PLAT: variants seen among roughly 807,000 people sequenced by gnomAD.
PLAT encodes tissue-type plasminogen activator.
PLAT carries 48 observed loss-of-function variants against 74.9 expected under a neutral mutation model. That is an observed-to-expected ratio of 0.64 (90% CI 0.51 to 0.82). The LOEUF is 0.82. Ranked by LOEUF, PLAT falls within the 40% of genes least tolerant of loss-of-function variation. The probability of loss-of-function intolerance (pLI) is 0.00; values close to 1 mark genes in which losing one functional copy is unlikely to be tolerated. For synonymous variants in PLAT, 307 were observed against 294.4 expected (o/e 1.04, Z -0.44); for missense variants, 673 against 736.2 (o/e 0.91, Z 0.99).
At chr8:42,180,786 T>C (rs920381501) in intron 9 of PLAT, 101 bp from the exon 10 acceptor site, 29 of 780,594 alleles carry the variant, frequency 3.7e-5, no homozygotes, top group Admixed American at 8.8e-5. Context: ...ACCACAACTT[T>C]CACTTGGTGG....
At chr8:42,203,840 C>G (rs572676643) in intron 1 of PLAT, among the ~76,000 whole-genome samples, 1 of 151,884 alleles carries the variant, frequency 6.6e-6, no homozygotes, top group African/African-American at 2.4e-5. Context: ...GCAGCATGCC[C>G]CTGTAGTCCT....
At chr8:42,193,802 G>A (rs1447889561) in intron 1 of PLAT, 2 of 148,876 alleles carry the variant, frequency 1.3e-5, no homozygotes, top group Non-Finnish European at 3.0e-5. Context: ...TACAAGCTCC[G>A]CCTCCCGGGT....
At chr8:42,205,959 A>G (rs571167085) in intron 1 of PLAT, among the ~76,000 whole-genome samples, 1 of 152,340 alleles carries the variant, frequency 6.6e-6, no homozygotes, top group African/African-American at 2.4e-5. Flanking sequence ...GGCTCTGCTC[A>G]GCAACGTCAG....
At chr8:42,198,345 A>G (rs1296862337) in intron 1 of PLAT, among the ~76,000 whole-genome samples, 2 of 152,216 alleles carry the variant, frequency 1.3e-5, no homozygotes, top group Admixed American at 1.3e-4. Flanking sequence ...CAAAAAAATT[A>G]GCTGGGCATG....
chr8:42,199,688 C>G (rs1387655668), intron 1 of PLAT, among the ~76,000 whole-genome samples: 1 of 152,176 alleles, frequency 6.6e-6, no homozygotes, highest in Non-Finnish European at 1.5e-5. Flanking sequence ...AGAAGTCTAT[C>G]CCGCCTCCTC....
At chr8:42,181,824 A>G (rs1805253070) in intron 9 of PLAT, 113 bp downstream of exon 9, 2 of 666,806 alleles carry the variant, frequency 3.0e-6, no homozygotes, top group Non-Finnish European at 2.7e-6. Context: ...CCAGCCTGGA[A>G]GTCTGGTAGG....
chr8:42,187,432 T>C lies in PLAT; in HGVS notation c.505A>G (p.Ile169Val), dbSNP rs774505410. The C allele has an allele frequency of 2.2e-5, 35 of 1,599,054 alleles. No homozygotes were observed. Among genetic ancestry groups the C allele is most frequent in the Non-Finnish European group, 3.0e-5 (35 of 1,177,136 alleles). Residue 169 changes from isoleucine (I) to valine (V), a missense_variant, in exon 6 of 14, where the codon ATC becomes GTC. Ile to Val is a conservative substitution (Grantham distance 29, BLOSUM62 3). Coordinates refer to ENST00000220809, the MANE Select transcript of PLAT (RefSeq NM_000930.5). The part of the protein sequence containing the change: ...KPYSGRRPDA[I>V]RLGLGNHNYC... ...TTGTGGTTCCCCAGGCCCAGCCTGA[T>C]GGCGTCTGGCCTCCGCCCGCTGTAG...
chr8:42,203,992 T>TATATATACACACAC (rs1554499838), intron 1 of PLAT, among the ~76,000 whole-genome samples: 1 of 109,892 alleles, frequency 9.1e-6, no homozygotes, highest in African/African-American at 5.2e-5. Flanking sequence ...TATATATATA[T>TATATATACACACAC]ACACACACAC....
At chr8:42,181,038 C>G (rs1190689406) in intron 9 of PLAT, among the ~76,000 whole-genome samples, 1 of 152,226 alleles carries the variant, frequency 6.6e-6, no homozygotes, top group Non-Finnish European at 1.5e-5. Flanking sequence ...CATTTCTTTT[C>G]CATCTGTCCA....
intron 13 of PLAT, among the ~76,000 whole-genome samples, chr8:42,177,408 G>C (rs1428684794): frequency 6.6e-6 from 1 of 152,178 alleles, no homozygotes; most frequent in Non-Finnish European, 1.5e-5. Context: ...CAGTTATCTT[G>C]GTCCCATGGA....
chr8:42,182,848 C>T lies in PLAT; in HGVS notation c.674G>A (p.Gly225Asp). The T allele has an allele frequency of 3.7e-6, 6 of 1,613,566 alleles. No homozygotes were observed. Among genetic ancestry groups the T allele is most frequent in the Non-Finnish European group, 5.1e-6 (6 of 1,179,694 alleles). ...CYFGNGSAYR[G>D]THSLTESGAS... ...ACCCGACTCGGTGAGGCTGTGCGTG[C>T]CACGGTAGGCTGACCCATTCCCAAA... The change falls in exon 8 of 14, where the codon GGC becomes GAC. Residue 225 changes from glycine to aspartate, a missense_variant. Physicochemically the swap from Gly to Asp is moderately conservative, Grantham distance 94 (BLOSUM62 -1). Coordinates refer to ENST00000220809, the MANE Select transcript of PLAT (RefSeq NM_000930.5).
intron 1 of PLAT, among the ~76,000 whole-genome samples, chr8:42,194,850 T>C (rs143542658): frequency 2.2e-4 from 30 of 136,354 alleles, no homozygotes; most frequent in Non-Finnish European, 4.1e-4. Context: ...CTGCAGCAGA[T>C]CCGGCAATGT....
At chr8:42,194,901 C>T (rs947555350) in intron 1 of PLAT, among the ~76,000 whole-genome samples, 3 of 151,580 alleles carry the variant, frequency 2.0e-5, no homozygotes, top group Non-Finnish European at 4.4e-5. Context: ...GATGTTTGGT[C>T]GGAAGACTCA....
chr8:42,192,884 C>A (rs552975098), intron 2 of PLAT, among the ~76,000 whole-genome samples: 1 of 152,294 alleles, frequency 6.6e-6, no homozygotes, highest in South Asian at 2.1e-4. Flanking sequence ...TTACTCAGGT[C>A]AAAATAAGTG....
chr8:42,205,474 C>T (rs1806294827), intron 1 of PLAT, among the ~76,000 whole-genome samples: 1 of 152,084 alleles, frequency 6.6e-6, no homozygotes, highest in Non-Finnish European at 1.5e-5. Context: ...TTGCAGTAGC[C>T]GGGATCATGC....
chr8:42,180,425 C>T (rs372549798), intron 10 of PLAT, 47 bp from the exon 11 acceptor site: 2 of 1,613,928 alleles, frequency 1.2e-6, no homozygotes, highest in Non-Finnish European at 1.7e-6. Context: ...GTGGGATTTC[C>T]CCTAAAGGGC....
At chr8:42,189,189 C>G (rs1470017587) in intron 3 of PLAT, 118 bp from the exon 4 acceptor site, 1 of 974,618 alleles carries the variant, frequency 1.0e-6, no homozygotes, top group Non-Finnish European at 1.6e-6. Flanking sequence ...ATTGCATACT[C>G]CCTTATTGAA....
At chr8:42,179,782 C>T in intron 12 of PLAT, 144 bp downstream of exon 12, 1 of 806,500 alleles carries the variant, frequency 1.2e-6, no homozygotes, top group African/African-American at 1.7e-5. Context: ...GAGACGGGCC[C>T]CCACGACACA....
At chr8:42,184,843 TAGA>T in intron 7 of PLAT, 1 of 381,728 alleles carries the variant, frequency 2.6e-6, no homozygotes. Flanking sequence ...CTCTCCTCCA[TAGA>T]GGAGGAAATT....
Sources: allele counts gnomAD v4.1 joint callset (sites outside exome capture counted in the v4.1 genomes callset), GRCh38; gene constraint gnomAD v4.1.1; transcripts MANE v1.5; gene names NCBI Gene and HGNC (gene_info 2026-07-23, HGNC 2026-07-21).